BRD4: variants seen among roughly 807,000 people sequenced by gnomAD.
The protein encoded by BRD4 is bromodomain-containing protein 4.
In BRD4, 16 loss-of-function variants were observed where a neutral mutation model predicts 142.1. The observed-to-expected ratio is 0.11, with a 90% CI of 0.08 to 0.17. The LOEUF (loss-of-function observed/expected upper bound fraction) is 0.17. Ranked by LOEUF, BRD4 falls within the 10% of genes least tolerant of loss-of-function variation. The pLI is 1.00. For missense variants in BRD4, 1,424 were observed against 1,810.9 expected, an observed-to-expected ratio of 0.79 and a Z score of 3.88; for synonymous variants, 833 against 707.5, an observed-to-expected ratio of 1.18 and a Z score of -2.82.
At chr19:15,275,020 G>A (rs2047630977) in intron 1 of BRD4, among the ~76,000 whole-genome samples, 1 of 152,100 alleles carries the variant, frequency 6.6e-6, no homozygotes, top group Non-Finnish European at 1.5e-5. Flanking sequence ...CACCATGGCT[G>A]GCTAATATTT....
intron 1 of BRD4, among the ~76,000 whole-genome samples, chr19:15,316,936 G>A (rs139843856): frequency 1.4e-4 from 22 of 152,310 alleles, no homozygotes; most frequent in Middle Eastern, 6.8e-3. Context: ...TATGCTCCCA[G>A]TTGGAAGGTC....
chr19:15,260,306 A>C (rs971906994), intron 7 of BRD4, among the ~76,000 whole-genome samples: 1 of 152,166 alleles, frequency 6.6e-6, no homozygotes, highest in Non-Finnish European at 1.5e-5. Flanking sequence ...AAATTAAGAG[A>C]CCCAATTAAG....
At chr19:15,264,057 G>A (rs977312031) in intron 6 of BRD4, 5 of 269,188 alleles carry the variant, frequency 1.9e-5, no homozygotes, top group African/African-American at 1.1e-4. Flanking sequence ...CCACCACAAA[G>A]AGGCTGGCAA....
intron 1 of BRD4, among the ~76,000 whole-genome samples, chr19:15,317,619 G>C (rs893780401): frequency 4.0e-5 from 6 of 151,832 alleles, no homozygotes; most frequent in African/African-American, 1.5e-4. Context: ...GGTGGGCAAG[G>C]GGTGGTGGTG....
intron 1 of BRD4, among the ~76,000 whole-genome samples, chr19:15,324,931 A>C (rs113849163): frequency 3.9e-5 from 6 of 152,264 alleles, no homozygotes; most frequent in African/African-American, 1.4e-4. Context: ...ACTGGTCTCC[A>C]CTCAGAGCTC....
intron 9 of BRD4, 78 bp from the exon 10 acceptor site, chr19:15,255,670 TG>T: frequency 5.3e-6 from 8 of 1,500,760 alleles, no homozygotes; most frequent in Non-Finnish European, 7.1e-6. Flanking sequence ...ACATGTATGT[TG>T]GGGGGAAGGG....
chr19:15,270,124 T>C (rs892493655), intron 2 of BRD4, among the ~76,000 whole-genome samples: 13 of 152,006 alleles, frequency 8.6e-5, no homozygotes, highest in Non-Finnish European at 1.0e-4. Context: ...CAGAACCAAA[T>C]CCAAGTGGAG....
intron 1 of BRD4, among the ~76,000 whole-genome samples, chr19:15,310,684 G>C (rs889300415): frequency 2.7e-5 from 4 of 149,876 alleles, no homozygotes; most frequent in African/African-American, 7.3e-5. Flanking sequence ...TATTAGAGAC[G>C]GGGTTTCACC....
intron 7 of BRD4, among the ~76,000 whole-genome samples, chr19:15,261,242 T>G (rs930702982): frequency 6.6e-6 from 1 of 152,128 alleles, no homozygotes; most frequent in African/African-American, 2.4e-5. Context: ...ATTCCAGCAC[T>G]TTGGGAGGCC....
At chr19:15,298,440 A>C (rs1390172295) in intron 1 of BRD4, among the ~76,000 whole-genome samples, 1 of 151,706 alleles carries the variant, frequency 6.6e-6, no homozygotes, top group East Asian at 1.9e-4. Context: ...GATCAAGACC[A>C]GCCTGCCCAG....
At chr19:15,249,079 G>C in intron 11 of BRD4, 2 of 785,124 alleles carry the variant, frequency 2.5e-6, no homozygotes, top group Admixed American at 2.6e-5. Flanking sequence ...TGGCCAGGCA[G>C]GCAGCCTTCC....
chr19:15,302,860 T>C (rs76589360), intron 1 of BRD4, among the ~76,000 whole-genome samples: 11,236 of 150,536 alleles, frequency 0.075, 567 homozygotes, highest in Middle Eastern at 0.12. Flanking sequence ...CAAAAAAAAT[T>C]AGCCAGGCGT....
At position 15,273,112 on chromosome 19, in the gene BRD4, A is replaced by G. The variant is rs1231437382; in HGVS notation, c.-13T>C. 3 of 1,568,932 alleles carry G rather than the reference A, an allele frequency of 1.9e-6. No individual in the cohort carries two copies. ...TCTCCGCAGACATGCTAGTGATCCC[A>G]TCACATTCTTCACCAGGCACTCTAC... On this transcript the variant is annotated 5_prime_UTR_variant, in exon 2 of 20. An upstream start codon of the reference 5' UTR is lost. Transcript: ENST00000679869.
chr19:15,331,355 G>A (rs1285412004), intron 1 of BRD4, among the ~76,000 whole-genome samples: 1 of 152,164 alleles, frequency 6.6e-6, no homozygotes, highest in Non-Finnish European at 1.5e-5. Flanking sequence ...TGGGAGGAGG[G>A]GGATCATTTT....
At chr19:15,253,816 G>A (rs777622523) in intron 11 of BRD4, 1 of 1,554,618 alleles carries the variant, frequency 6.4e-7, no homozygotes, top group Non-Finnish European at 8.7e-7. Flanking sequence ...CAACAGCACA[G>A]CCTGGACCCC....
chr19:15,329,135 T>C (rs545892015), intron 1 of BRD4, among the ~76,000 whole-genome samples: 7 of 152,146 alleles, frequency 4.6e-5, no homozygotes, highest in East Asian at 1.9e-4. Context: ...TCATCTCTTA[T>C]GTATTAAATG....
rs764625162 is a variant in BRD4, at chr19:15,263,402, C to A, written c.1341+18G>T. 2 of 1,610,406 alleles carry A rather than the reference C, an allele frequency of 1.2e-6. No homozygotes were observed. The highest frequency in any genetic ancestry group is 1.1e-5 in the South Asian group (1 of 91,004). ...CAGCCTGCTCTGCTGAGGGTGGCTG[C>A]GCCCTCCCAAGCCTCACCTGGAGCT... On this transcript the variant is annotated intron_variant, in intron 7 of 19. Transcript: ENST00000679869.
chr19:15,286,760 TTCAC>T (rs2047743251), intron 1 of BRD4, among the ~76,000 whole-genome samples: 2 of 152,320 alleles, frequency 1.3e-5, no homozygotes, highest in South Asian at 4.1e-4. Flanking sequence ...CTGGATGTTT[TTCAC>T]TAACTAAACT....
At position 15,294,892 on chromosome 19, in the gene BRD4, C is replaced by T. The variant is rs2047811116; in HGVS notation, c.-34-21759G>A. Among the ~76,000 whole-genome samples, 4 of 152,106 alleles carry T rather than the reference C, an allele frequency of 2.6e-5. No homozygotes were observed. In the South Asian group the frequency reaches 8.3e-4, roughly 32 times the overall value. ...GAAAGGTGTGCAGGCTGTCCCAGAC[C>T]CCACGCCCAGAAGGCCATTCAGAGA... On this transcript the variant is annotated intron_variant, in intron 1 of 19. Transcript: ENST00000679869.
Sources: gnomAD v4.1 joint callset for allele counts (sites outside exome capture counted in the v4.1 genomes callset) on GRCh38, gnomAD v4.1.1 for gene constraint, MANE v1.5 for transcripts, NCBI Gene and HGNC (gene_info 2026-07-23, HGNC 2026-07-21) for gene names.